Variants in NUP93 observed in about 807,000 individuals in gnomAD.
NUP93 encodes nucleoporin 93.
Under a neutral mutation model 107.8 loss-of-function variants are expected in NUP93, and 55 were observed. The observed-to-expected ratio is 0.51, with a 90% CI of 0.41 to 0.64. The LOEUF (loss-of-function observed/expected upper bound fraction) is 0.64. Among genes scored for constraint, NUP93 ranks in the 30% least tolerant of loss-of-function variants. The pLI, the probability that NUP93 is intolerant of heterozygous loss-of-function variation, is 0.00. For missense variants in NUP93, 937 were observed against 1,044.7 expected, an observed-to-expected ratio of 0.90 and a Z score of 1.42; for synonymous variants, 390 against 397.5, an observed-to-expected ratio of 0.98 and a Z score of 0.22.
chr16:56,810,360 GGCTTAT>G (rs1963286884), intron 5 of NUP93, among the ~76,000 whole-genome samples: 1 of 152,200 alleles, frequency 6.6e-6, no homozygotes, highest in African/African-American at 2.4e-5. Flanking sequence ...TGAGTGCAGT[GGCTTAT>G]GCCTGTAATT....
At chr16:56,740,205 C>A (rs1444322661) in intron 1 of NUP93, among the ~76,000 whole-genome samples, 1 of 137,548 alleles carries the variant, frequency 7.3e-6, no homozygotes, top group Admixed American at 7.1e-5. Flanking sequence ...GGCTGCCGGG[C>A]GGAGAGGCTC....
chr16:56,826,530 A>C (rs1004857868), intron 8 of NUP93, among the ~76,000 whole-genome samples: 36 of 151,978 alleles, frequency 2.4e-4, no homozygotes, highest in Non-Finnish European at 3.4e-4. Flanking sequence ...AAAAAAAAAA[A>C]AACAACTTCC....
intron 8 of NUP93, among the ~76,000 whole-genome samples, chr16:56,824,810 A>G (rs1963623096): frequency 6.6e-6 from 1 of 152,210 alleles, no homozygotes. Context: ...ACACCATCAG[A>G]CACATTACAT....
intron 3 of NUP93, 79 bp downstream of exon 3, chr16:56,758,734 T>C (rs1962072295): frequency 5.4e-6 from 5 of 929,900 alleles, no homozygotes; most frequent in Admixed American, 1.9e-5. Flanking sequence ...AACTAGCAGA[T>C]TGAGGAATTT....
At chr16:56,778,656 G>C (rs192560004) in intron 3 of NUP93, among the ~76,000 whole-genome samples, 2 of 152,188 alleles carry the variant, frequency 1.3e-5, no homozygotes, top group South Asian at 2.1e-4. Flanking sequence ...CAGAAATTAC[G>C]TGAGGTTTGG....
intron 9 of NUP93, among the ~76,000 whole-genome samples, chr16:56,830,074 TA>T (rs1468848375): frequency 4.6e-5 from 7 of 152,202 alleles, no homozygotes; most frequent in African/African-American, 1.7e-4. Flanking sequence ...AGATACTGAG[TA>T]AAATGTTTAT....
chr16:56,752,841 TAAAC>T (rs1961948504), intron 2 of NUP93, among the ~76,000 whole-genome samples: 2 of 152,142 alleles, frequency 1.3e-5, no homozygotes, highest in South Asian at 4.1e-4. Context: ...TCCAGATAAA[TAAAC>T]CCATGTGTCT....
At chr16:56,766,252 C>T (rs376513434) in intron 3 of NUP93, among the ~76,000 whole-genome samples, 42 of 152,294 alleles carry the variant, frequency 2.8e-4, no homozygotes, top group African/African-American at 1.0e-3. Flanking sequence ...GAATGGTTCT[C>T]TAAGAGTATT....
chr16:56,835,994 T>G (rs918619570), intron 16 of NUP93, among the ~76,000 whole-genome samples: 22 of 151,932 alleles, frequency 1.4e-4, no homozygotes, highest in African/African-American at 4.8e-4. Flanking sequence ...CCAGGCGTGG[T>G]GGTGGGTACC....
intron 3 of NUP93, among the ~76,000 whole-genome samples, chr16:56,769,101 T>C (rs1490663344): frequency 6.6e-6 from 1 of 152,188 alleles, no homozygotes; most frequent in Non-Finnish European, 1.5e-5. Flanking sequence ...AGTCTGTTGA[T>C]TTGAGTCCAA....
At chr16:56,736,119 C>T (rs1457666125) in intron 1 of NUP93, among the ~76,000 whole-genome samples, 2 of 152,198 alleles carry the variant, frequency 1.3e-5, no homozygotes, top group Non-Finnish European at 2.9e-5. Context: ...CACCTGAGGT[C>T]AGGAGTTCAA....
At position 56,823,695 on chromosome 16, in the gene NUP93, A is replaced by C; in HGVS notation, c.655-12A>C. On this transcript the variant is annotated splice_polypyrimidine_tract_variant and intron_variant, in intron 7 of 21. Coordinates refer to ENST00000308159, the MANE Select transcript of NUP93 (RefSeq NM_014669.5). Reference sequence around the variant, plus strand: ...CTGCAGCATTGTCACATGCAGTTTCATTTATGTGCAGAGCATTTCCGACAT... The same window carrying C: ...CTGCAGCATTGTCACATGCAGTTTCCTTTATGTGCAGAGCATTTCCGACAT... The C allele has an allele frequency of 6.2e-7, 1 of 1,613,332 alleles. No homozygotes were observed. The highest frequency in any genetic ancestry group is 1.7e-5 in the Admixed American group (1 of 59,978).
chr16:56,786,033 C>G (rs1962620276), intron 3 of NUP93, among the ~76,000 whole-genome samples: 1 of 152,054 alleles, frequency 6.6e-6, no homozygotes, highest in Admixed American at 6.6e-5. Context: ...AGTAGCATTC[C>G]TACGAAACTA....
intron 5 of NUP93, among the ~76,000 whole-genome samples, chr16:56,811,098 C>T (rs1208027300): frequency 6.6e-6 from 1 of 152,148 alleles, no homozygotes; most frequent in African/African-American, 2.4e-5. Flanking sequence ...TTGGTGAGCA[C>T]ATATTTGCAT....
chr16:56,769,794 A>G (rs76729986), intron 3 of NUP93, among the ~76,000 whole-genome samples: 4 of 152,070 alleles, frequency 2.6e-5, no homozygotes, highest in Admixed American at 1.3e-4. Flanking sequence ...GTAATACTGA[A>G]CTATTGATTG....
chr16:56,810,012 T>C (rs888588250), intron 5 of NUP93, among the ~76,000 whole-genome samples: 3 of 152,236 alleles, frequency 2.0e-5, no homozygotes, highest in Non-Finnish European at 4.4e-5. Flanking sequence ...TAGGTTGTGT[T>C]CTGTATTGGG....
chr16:56,748,399 C>A lies in NUP93; in HGVS notation c.152C>A (p.Thr51Lys), dbSNP rs573467287. ...CTGCGTTCCCGTACCCTAACACGCA[C>A]GTCCCAGGAGACGGCAGATGTCAAG... ...ERLRSRTLTRTSQETADVKAS... is the reference protein window; with the variant it reads ...ERLRSRTLTRKSQETADVKAS... Residue 51 changes from threonine (T) to lysine (K), a missense_variant, in exon 2 of 22, where the codon ACG (threonine) becomes AAG (lysine). By Grantham distance (78) the Thr-to-Lys change is moderately conservative (BLOSUM62 -1). Coordinates refer to ENST00000308159, the MANE Select transcript of NUP93 (RefSeq NM_014669.5). 2 of 1,613,618 alleles carry A rather than the reference C, an allele frequency of 1.2e-6. No homozygotes were observed. The highest frequency in any genetic ancestry group is 3.3e-5 in the Admixed American group (2 of 60,004).
chr16:56,765,696 C>T (rs1232909782), intron 3 of NUP93, among the ~76,000 whole-genome samples: 1 of 152,178 alleles, frequency 6.6e-6, no homozygotes, highest in African/African-American at 2.4e-5. Flanking sequence ...ACTTAATAAA[C>T]ATATTTGCTG....
At position 56,841,772 on chromosome 16, in the gene NUP93, T is replaced by C; in HGVS notation, c.2288T>C (p.Leu763Pro). 1 of 1,614,192 alleles carries C rather than the reference T, an allele frequency of 6.2e-7. No homozygotes were observed. The highest frequency in any genetic ancestry group is 8.5e-7 in the Non-Finnish European group (1 of 1,180,020). The change falls in exon 21 of 22, where the codon CTC (leucine) becomes CCC (proline). Residue 763 changes from leucine to proline, a missense_variant. By Grantham distance (98) the Leu-to-Pro change is moderately conservative. Coordinates refer to ENST00000308159, the MANE Select transcript of NUP93 (RefSeq NM_014669.5). ...ATCTTGTTCACACAGTTTAAGAGGC[T>C]CAAGGGGACAAGTCCATCCTCGTCA... The part of the protein sequence containing the change: ...MNILFTQFKR[L>P]KGTSPSSSSR...
Sources: gnomAD v4.1 joint callset for allele counts (sites outside exome capture counted in the v4.1 genomes callset) on GRCh38, gnomAD v4.1.1 for gene constraint, MANE v1.5 for transcripts, NCBI Gene and HGNC (gene_info 2026-07-23, HGNC 2026-07-21) for gene names.